Variants in PTPRG observed in about 807,000 individuals in gnomAD.
PTPRG encodes the protein protein tyrosine phosphatase receptor type G, also known as receptor-type tyrosine-protein phosphatase gamma.
PTPRG carries 102 observed loss-of-function variants against 165.3 expected under a neutral mutation model. That is an observed-to-expected ratio of 0.62 (90% CI 0.53 to 0.73). PTPRG has a LOEUF of 0.73. Ranked by LOEUF, PTPRG falls within the 30% of genes least tolerant of loss-of-function variation. The pLI, the probability that PTPRG is intolerant of heterozygous loss-of-function variation, is 0.00. For missense variants in PTPRG, 1,866 were observed against 1,861.4 expected, an observed-to-expected ratio of 1.00 and a Z score of -0.05; for synonymous variants, 675 against 669.5, an observed-to-expected ratio of 1.01 and a Z score of -0.13.
At chr3:62,098,940 T>G (rs1025707720) in intron 5 of PTPRG, among the ~76,000 whole-genome samples, 1 of 152,174 alleles carries the variant, frequency 6.6e-6, no homozygotes, top group Non-Finnish European at 1.5e-5. Context: ...GTAGGATGTT[T>G]TAGAAACAAA....
chr3:62,058,369 C>T (rs181726824), intron 4 of PTPRG, among the ~76,000 whole-genome samples: 3 of 152,042 alleles, frequency 2.0e-5, no homozygotes, highest in Non-Finnish European at 4.4e-5. Flanking sequence ...CTGGGTTTTG[C>T]TATGTCAACC....
intron 6 of PTPRG, among the ~76,000 whole-genome samples, chr3:62,152,331 TCAA>T (rs1435547753): frequency 1.1e-4 from 17 of 152,046 alleles, no homozygotes; most frequent in Middle Eastern, 3.2e-3. Context: ...CACAGCCTAG[TCAA>T]CAGAGTGAGA....
intron 12 of PTPRG, among the ~76,000 whole-genome samples, chr3:62,204,991 T>C (rs1576131934): frequency 6.6e-6 from 1 of 152,064 alleles, no homozygotes; most frequent in East Asian, 1.9e-4. Context: ...TAAGCTGTTG[T>C]GGAGTTATAA....
chr3:62,262,798 GAAGTCC>G lies in PTPRG; in HGVS notation c.2562_2567del (p.Val855_Gln856del), dbSNP rs753317909. 1 of 1,606,082 alleles carries G rather than the reference GAAGTCC, an allele frequency of 6.2e-7. No individual in the cohort carries two copies. The highest frequency in any genetic ancestry group is 8.5e-7 in the Non-Finnish European group (1 of 1,176,236). On this transcript the variant is annotated inframe_deletion and splice_region_variant, in exon 17 of 30. Transcript: ENST00000474889. Reference sequence around the variant, plus strand: ...ATAATCTTGCTGTTTTCTTCACTAGGAAGTCCAGCGCTGTACTGCTGATATGAACAT... The same window carrying G: ...ATAATCTTGCTGTTTTCTTCACTAGGAGCGCTGTACTGCTGATATGAACAT...
intron 2 of PTPRG, among the ~76,000 whole-genome samples, chr3:61,804,118 A>G (rs2035337711): frequency 6.6e-6 from 1 of 152,226 alleles, no homozygotes. Flanking sequence ...GGCTTTCTGT[A>G]AGTAAACATC....
chr3:62,063,651 C>G (rs942471127), intron 4 of PTPRG, among the ~76,000 whole-genome samples: 2 of 151,968 alleles, frequency 1.3e-5, no homozygotes, highest in African/African-American at 2.4e-5. Flanking sequence ...GAAACAGTAC[C>G]TCGATTTTCA....
intron 1 of PTPRG, among the ~76,000 whole-genome samples, chr3:61,567,707 G>T (rs1185747304): frequency 6.7e-6 from 1 of 149,846 alleles, no homozygotes; most frequent in African/African-American, 2.5e-5. Flanking sequence ...TGTAGGCTGG[G>T]CATGGTGGCT....
intron 1 of PTPRG, among the ~76,000 whole-genome samples, chr3:61,681,381 C>G (rs1703435380): frequency 6.6e-6 from 1 of 152,196 alleles, no homozygotes; most frequent in African/African-American, 2.4e-5. Flanking sequence ...CTTGACCCTG[C>G]AATCTGCATT....
intron 2 of PTPRG, among the ~76,000 whole-genome samples, chr3:61,968,977 C>T (rs772229980): frequency 4.6e-5 from 7 of 152,132 alleles, no homozygotes; most frequent in African/African-American, 1.4e-4. Context: ...GATGATGTCA[C>T]GTATAATTAA....
At chr3:61,814,883 A>G (rs66930137) in intron 2 of PTPRG, among the ~76,000 whole-genome samples, 11,283 of 151,886 alleles carry the variant, frequency 0.074, 532 homozygotes, top group East Asian at 0.21. Flanking sequence ...CAGCAACTCT[A>G]TCAGGAAGCT....
intron 1 of PTPRG, among the ~76,000 whole-genome samples, chr3:61,591,044 G>A (rs1321788330): frequency 6.6e-6 from 1 of 152,124 alleles, no homozygotes; most frequent in African/African-American, 2.4e-5. Flanking sequence ...TGTGGGAAGT[G>A]GAGTGAAACC....
chr3:61,753,217 G>A (rs1416505112), intron 2 of PTPRG, among the ~76,000 whole-genome samples: 3 of 152,132 alleles, frequency 2.0e-5, no homozygotes, highest in Non-Finnish European at 4.4e-5. Context: ...ATAAGTTATT[G>A]TTGACATAAT....
chr3:62,073,521 G>A (rs542252308), intron 4 of PTPRG, among the ~76,000 whole-genome samples: 10 of 151,852 alleles, frequency 6.6e-5, no homozygotes, highest in Non-Finnish European at 1.3e-4. Context: ...CTCTGTTGCC[G>A]AGGCTGGAGT....
chr3:61,894,607 T>A (rs1158604181), intron 2 of PTPRG, among the ~76,000 whole-genome samples: 1 of 152,170 alleles, frequency 6.6e-6, no homozygotes, highest in Non-Finnish European at 1.5e-5. Context: ...TAATAGAGAC[T>A]TACTAAAGGT....
At chr3:61,988,433 T>C (rs1233051417) in intron 2 of PTPRG, among the ~76,000 whole-genome samples, 2 of 152,196 alleles carry the variant, frequency 1.3e-5, no homozygotes, top group East Asian at 3.9e-4. Context: ...ATGTGGACTC[T>C]TATTTAGTGG....
intron 4 of PTPRG, among the ~76,000 whole-genome samples, chr3:62,037,802 T>G (rs1008162101): frequency 2.0e-5 from 3 of 152,166 alleles, no homozygotes; most frequent in African/African-American, 7.2e-5. Context: ...CTCTTATTTG[T>G]GCATTCCTGG....
At chr3:61,993,493 A>G (rs1442197938) in intron 3 of PTPRG, among the ~76,000 whole-genome samples, 1 of 152,192 alleles carries the variant, frequency 6.6e-6, no homozygotes, top group Non-Finnish European at 1.5e-5. Context: ...TGCTGGGATT[A>G]CACGCATGAG....
chr3:62,264,974 A>C (rs945630306), intron 17 of PTPRG, among the ~76,000 whole-genome samples: 2 of 152,056 alleles, frequency 1.3e-5, no homozygotes, highest in African/African-American at 2.4e-5. Flanking sequence ...AAAAAAAAAA[A>C]AACAGCCTTC....
In PTPRG at chr3:62,203,505, A is replaced by C; in HGVS notation, c.1710A>C (p.Pro570=). The change falls in exon 12 of 30, where the codon CCA becomes CCC. Residue 570 remains proline, a synonymous_variant. Transcript: ENST00000474889. This position sits in a 1 kb window ranked among gnomAD's most constrained non-coding sequence, Gnocchi z 6.4. ...CAGGGCCCGATGGTGATTCGTCACC[A>C]ACCAAGGACGGCGAGGGCACCGAGG... ...ASPGPDGDSS[P]TKDGEGTEEG... 6.4e-7 allele frequency: 1 copy of C among 1,563,260 alleles called. No homozygotes were observed. The highest frequency in any genetic ancestry group is 1.9e-5 in the Admixed American group (1 of 52,380).
Sources: gnomAD v4.1 joint callset for allele counts (sites outside exome capture counted in the v4.1 genomes callset) on GRCh38, gnomAD v4.1.1 for gene constraint, Gnocchi (gnomAD v3.1) non-coding constraint, MANE v1.5 for transcripts, NCBI Gene and HGNC (gene_info 2026-07-23, HGNC 2026-07-21) for gene names.